Variants in NOX4 observed in about 807,000 individuals in gnomAD.
The protein encoded by NOX4 is kidney oxidase-1.
A neutral mutation model predicts 87.6 loss-of-function variants in NOX4; 69 were observed. The observed-to-expected ratio is 0.79, with a 90% CI of 0.65 to 0.96. The LOEUF is 0.96. Among genes scored for constraint, NOX4 ranks in the 40% least tolerant of loss-of-function variants. NOX4 has a pLI of 0.00. For missense variants in NOX4, 680 were observed against 681.5 expected (o/e 1.00, Z 0.02); for synonymous variants, 275 against 238.2 (o/e 1.15, Z -1.42).
the NOX4 span, among the ~76,000 whole-genome samples, chr11:89,524,611 A>C: frequency 7.4e-4 from 113 of 152,216 alleles, 1 homozygote; most frequent in South Asian, 0.023. Flanking sequence ...TTCCAAGAAG[A>C]GTTAATAAAT....
chr11:89,505,227 G>A, the NOX4 span, among the ~76,000 whole-genome samples: 1 of 151,814 alleles, frequency 6.6e-6, no homozygotes, highest in African/African-American at 2.4e-5. Flanking sequence ...AATCATTAAT[G>A]TCTGTCTTCC....
intron 6 of NOX4, among the ~76,000 whole-genome samples, chr11:89,435,176 G>A (rs1944014863): frequency 6.6e-6 from 1 of 151,978 alleles, no homozygotes; most frequent in African/African-American, 2.4e-5. Flanking sequence ...CAGTCTCACT[G>A]TTTTCAAGTG....
the NOX4 span, among the ~76,000 whole-genome samples, chr11:89,543,028 A>T: frequency 6.6e-6 from 1 of 152,186 alleles, no homozygotes; most frequent in Non-Finnish European, 1.5e-5. Context: ...TAGAAATGCC[A>T]TCATGTAGAA....
chr11:89,365,412 T>C (rs1938884192), intron 12 of NOX4, among the ~76,000 whole-genome samples: 1 of 151,460 alleles, frequency 6.6e-6, no homozygotes, highest in Non-Finnish European at 1.5e-5. Flanking sequence ...TTGGCGTTTA[T>C]TGCCACAGAG....
At chr11:89,436,078 A>T (rs898547523) in intron 6 of NOX4, among the ~76,000 whole-genome samples, 6 of 152,226 alleles carry the variant, frequency 3.9e-5, no homozygotes, top group Non-Finnish European at 7.3e-5. Flanking sequence ...AGAGTTAAAC[A>T]AATGACTTTT....
intron 2 of NOX4, among the ~76,000 whole-genome samples, chr11:89,489,741 G>GAA (rs397972221): frequency 7.2e-6 from 1 of 138,600 alleles, no homozygotes; most frequent in Non-Finnish European, 1.5e-5. Flanking sequence ...AAAAAAAAAA[G>GAA]AAAGAAAGAA....
chr11:89,417,379 T>G (rs1942842531), intron 8 of NOX4, among the ~76,000 whole-genome samples: 1 of 152,102 alleles, frequency 6.6e-6, no homozygotes, highest in South Asian at 2.1e-4. Flanking sequence ...TTTTGTTTTG[T>G]TTTCACCAGG....
chr11:89,489,950 T>C (rs1946787151), intron 2 of NOX4, among the ~76,000 whole-genome samples: 1 of 152,124 alleles, frequency 6.6e-6, no homozygotes, highest in Non-Finnish European at 1.5e-5. Flanking sequence ...TATAGTAGAA[T>C]ACTGGAATAT....
upstream of NOX4, among the ~76,000 whole-genome samples, chr11:89,496,315 G>A (rs1376313571): frequency 2.0e-5 from 3 of 152,134 alleles, no homozygotes; most frequent in East Asian, 5.8e-4. Context: ...GGAAAATAAG[G>A]CTTACAAATG....
rs138948403 is a variant in NOX4 at position 89,455,587 on chromosome 11, A to C, written c.154-3692T>G. ...CTCTCAAGTTTGTTCAAATATTTAC[A>C]ATCTTTGTGGTTATTTTATTCACAA... is the stretch of plus-strand genomic sequence containing the variant. On this transcript the variant is annotated intron_variant, in intron 2 of 17. Coordinates refer to ENST00000263317, the MANE Select transcript of NOX4 (RefSeq NM_016931.5). 8.1e-3 allele frequency among the ~76,000 whole-genome samples: 1,236 copies of C among 152,218 alleles called. 13 individuals carry two copies. The highest frequency in any genetic ancestry group is 0.029 in the African/African-American group (1,188 of 41,538).
At chr11:89,344,438 T>C (rs950080918) in intron 13 of NOX4, among the ~76,000 whole-genome samples, 8 of 151,816 alleles carry the variant, frequency 5.3e-5, no homozygotes, top group African/African-American at 1.9e-4. Flanking sequence ...TAATCCCAGG[T>C]ACTAGGGAGG....
At chr11:89,435,894 T>C (rs1308189687) in intron 6 of NOX4, among the ~76,000 whole-genome samples, 1 of 152,132 alleles carries the variant, frequency 6.6e-6, no homozygotes, top group East Asian at 1.9e-4. Flanking sequence ...TCCTTCTTAT[T>C]TCTCAAAAGT....
At chr11:89,477,211 T>TA (rs1241701010) in intron 2 of NOX4, among the ~76,000 whole-genome samples, 1 of 152,106 alleles carries the variant, frequency 6.6e-6, no homozygotes, top group Non-Finnish European at 1.5e-5. Flanking sequence ...TGCCTGAAAC[T>TA]AAATGGTCCT....
At position 89,432,840 on chromosome 11, in the gene NOX4, C is replaced by A. The variant is rs777486023; in HGVS notation, c.492G>T (p.Gly164=). 6.2e-7 allele frequency: 1 copy of A among 1,610,424 alleles called. No homozygotes were observed. The highest frequency in any genetic ancestry group is 2.2e-5 in the East Asian group (1 of 44,618). ...LLFTTVPGLT[G]VCMVVVLFLM... ...GGAATAGCACCACCACCATGCAGAC[C>A]CCTGTCAGGCCAGGAACTATAAAAA... Residue 164 remains glycine, a synonymous_variant, in exon 7 of 18, where the codon GGG becomes GGT. Coordinates refer to ENST00000263317, the MANE Select transcript of NOX4 (RefSeq NM_016931.5).
the NOX4 span, among the ~76,000 whole-genome samples, chr11:89,527,697 G>C: frequency 6.6e-6 from 1 of 152,168 alleles, no homozygotes; most frequent in Admixed American, 6.5e-5. Flanking sequence ...GTCAAGAATT[G>C]ATGTTTGGGA....
intron 2 of NOX4, among the ~76,000 whole-genome samples, chr11:89,464,544 G>A (rs11018623): frequency 6.6e-6 from 1 of 151,806 alleles, no homozygotes; most frequent in Non-Finnish European, 1.5e-5. Context: ...TAATCCATAA[G>A]CTTCACAAGC....
chr11:89,402,481 G>T lies in NOX4; in HGVS notation c.691C>A (p.Arg231=). The change falls in exon 9 of 18, where the codon CGA becomes AGA. Residue 231 remains arginine, a synonymous_variant. Coordinates refer to ENST00000263317, the MANE Select transcript of NOX4 (RefSeq NM_016931.5). ...THPPGCISLN[R]TSSQNISLPE... is the part of the protein sequence containing the mutation. The stretch of plus-strand genomic sequence containing the variant: ...AAGGAAATATTCTGAGAGCTGGTTC[G>T]GTTAAGACTGATGCAGCCGGGAGGG... 6.2e-7 allele frequency: 1 copy of T among 1,612,374 alleles called. No homozygotes were observed. Among genetic ancestry groups the T allele is most frequent in the Middle Eastern group, 1.7e-4 (1 of 6,038 alleles).
chr11:89,468,952 A>T (rs1371946922), intron 2 of NOX4, among the ~76,000 whole-genome samples: 1 of 151,584 alleles, frequency 6.6e-6, no homozygotes, highest in African/African-American at 2.4e-5. Flanking sequence ...CTGATCTTAA[A>T]CTCCTGGCCT....
At chr11:89,456,130 C>T (rs370914965) in intron 2 of NOX4, among the ~76,000 whole-genome samples, 6 of 152,004 alleles carry the variant, frequency 3.9e-5, no homozygotes, top group Admixed American at 3.9e-4. Flanking sequence ...GATATCCCAG[C>T]TACTCTTATG....
Sources: gnomAD v4.1 joint callset for allele counts (sites outside exome capture counted in the v4.1 genomes callset) on GRCh38, gnomAD v4.1.1 for gene constraint, MANE v1.5 for transcripts, NCBI Gene and HGNC (gene_info 2026-07-23, HGNC 2026-07-21) for gene names.